Variants in GPC5 observed in about 807,000 individuals in gnomAD.
The protein encoded by GPC5 is glypican 5.
Under a neutral mutation model 53.9 loss-of-function variants are expected in GPC5, and 47 were observed. The observed-to-expected ratio is 0.87, with a 90% CI of 0.69 to 1.11. GPC5 has a LOEUF of 1.11. Among genes scored for constraint, GPC5 ranks in the 50% most tolerant of loss-of-function variants. GPC5 has a pLI of 0.00. For synonymous variants in GPC5, 286 were observed against 263.3 expected (o/e 1.09, Z -0.84); for missense variants, 748 against 713.1 (o/e 1.05, Z -0.56).
At chr13:92,027,303 G>A (rs1217100854) in intron 6 of GPC5, among the ~76,000 whole-genome samples, 1 of 152,040 alleles carries the variant, frequency 6.6e-6, no homozygotes, top group Non-Finnish European at 1.5e-5. Context: ...TGTACATTAT[G>A]TTCTCACTTA....
chr13:91,479,279 A>C (rs1883178173), intron 2 of GPC5, among the ~76,000 whole-genome samples: 1 of 152,106 alleles, frequency 6.6e-6, no homozygotes, highest in Non-Finnish European at 1.5e-5. Context: ...ATTTACACCT[A>C]AAAATTAAAT....
chr13:92,147,670 G>C (rs1299764516), intron 7 of GPC5, among the ~76,000 whole-genome samples: 1 of 151,920 alleles, frequency 6.6e-6, no homozygotes, highest in East Asian at 1.9e-4. Flanking sequence ...TCAGAATTTG[G>C]GCGATTTAAG....
intron 6 of GPC5, among the ~76,000 whole-genome samples, chr13:92,026,142 C>G (rs2040798943): frequency 6.6e-6 from 1 of 152,066 alleles, no homozygotes; most frequent in South Asian, 2.1e-4. Context: ...GTCTTTCCTT[C>G]TTAAAGTGTT....
intron 1 of GPC5, among the ~76,000 whole-genome samples, chr13:91,423,801 G>A (rs1422175591): frequency 6.6e-6 from 1 of 152,180 alleles, no homozygotes; most frequent in Non-Finnish European, 1.5e-5. Context: ...ATTCCACAAT[G>A]TATACAGGTA....
At chr13:92,003,362 A>T (rs886330904) in intron 6 of GPC5, among the ~76,000 whole-genome samples, 1 of 151,968 alleles carries the variant, frequency 6.6e-6, no homozygotes, top group Non-Finnish European at 1.5e-5. Context: ...AATGTTTTAA[A>T]AAAGAAAATT....
intron 7 of GPC5, among the ~76,000 whole-genome samples, chr13:92,406,447 G>T (rs1036110268): frequency 6.6e-6 from 1 of 151,878 alleles, no homozygotes; most frequent in Admixed American, 6.6e-5. Context: ...CAAAATATAC[G>T]TGGAGCTATA....
chr13:91,498,972 CA>C (rs5805699), intron 2 of GPC5, among the ~76,000 whole-genome samples: 1 of 149,326 alleles, frequency 6.7e-6, no homozygotes, highest in African/African-American at 2.5e-5. Flanking sequence ...GTCTCCCTCT[CA>C]AAAAAAAAGA....
chr13:91,419,008 C>A (rs1878424130), intron 1 of GPC5, among the ~76,000 whole-genome samples: 1 of 151,844 alleles, frequency 6.6e-6, no homozygotes, highest in African/African-American at 2.4e-5. Context: ...ATTTGAATGA[C>A]CTTAATTATA....
chr13:91,780,887 C>A (rs1353317029), intron 5 of GPC5, among the ~76,000 whole-genome samples: 1 of 152,128 alleles, frequency 6.6e-6, no homozygotes, highest in Non-Finnish European at 1.5e-5. Flanking sequence ...TATAAGCTTT[C>A]TTATTCTTAG....
intron 2 of GPC5, among the ~76,000 whole-genome samples, chr13:91,670,711 C>T (rs530401383): frequency 2.6e-5 from 4 of 152,124 alleles, no homozygotes; most frequent in South Asian, 2.1e-4. Flanking sequence ...TTGCTGAGGG[C>T]GGGGCATAAA....
chr13:92,697,204 A>C (rs8001199), intron 7 of GPC5, among the ~76,000 whole-genome samples: 17,530 of 151,840 alleles, frequency 0.12, 1,693 homozygotes, highest in East Asian at 0.4. Context: ...TCCATATGAA[A>C]TTTAAAGTAA....
chr13:91,437,547 G>A (rs1358624964), intron 1 of GPC5, among the ~76,000 whole-genome samples: 52 of 152,274 alleles, frequency 3.4e-4, no homozygotes, highest in Non-Finnish European at 6.9e-4. Context: ...AGTTTCTGCC[G>A]AGATATCAGC....
At chr13:91,903,337 G>C (rs972942738) in intron 5 of GPC5, among the ~76,000 whole-genome samples, 1 of 151,926 alleles carries the variant, frequency 6.6e-6, no homozygotes. Flanking sequence ...TGGTTATTTT[G>C]AAAGGTGCTT....
At chr13:91,638,740 TTTTTTAAACAAGGACACA>T (rs2034346274) in intron 2 of GPC5, among the ~76,000 whole-genome samples, 1 of 152,136 alleles carries the variant, frequency 6.6e-6, no homozygotes, top group African/African-American at 2.4e-5. Context: ...ATTCAAAAAA[TTTTTTAAACAAGGACACA>T]TTTTTAAAGG....
intron 7 of GPC5, among the ~76,000 whole-genome samples, chr13:92,861,565 T>C (rs1241362982): frequency 6.6e-6 from 1 of 152,176 alleles, no homozygotes; most frequent in Admixed American, 6.5e-5. Context: ...CAGGAACATT[T>C]GTAGTTTTCA....
At chr13:91,557,321 T>G (rs1454275078) in intron 2 of GPC5, among the ~76,000 whole-genome samples, 1 of 152,174 alleles carries the variant, frequency 6.6e-6, no homozygotes, top group African/African-American at 2.4e-5. Context: ...GAACATCTTT[T>G]CATGTGCTTA....
At chr13:92,660,961 C>A (rs1171595161) in intron 7 of GPC5, among the ~76,000 whole-genome samples, 3 of 151,792 alleles carry the variant, frequency 2.0e-5, no homozygotes, top group African/African-American at 4.8e-5. Context: ...GATAGAAGTT[C>A]TCCTATGATT....
chr13:91,671,780 C>CAAAAAAAAAAAAAA (rs55758033), intron 2 of GPC5, among the ~76,000 whole-genome samples: 13 of 33,126 alleles, frequency 3.9e-4, no homozygotes, highest in South Asian at 2.1e-3. Context: ...CAATCTGAAG[C>CAAAAAAAAAAAAAA]AAAAAAAAAA....
intron 7 of GPC5, among the ~76,000 whole-genome samples, chr13:92,282,317 C>T (rs2042921878): frequency 6.6e-6 from 1 of 152,150 alleles, no homozygotes; most frequent in African/African-American, 2.4e-5. Context: ...AGTTGGAAAA[C>T]ACTCTGCAGG....
Sources: allele counts gnomAD v4.1 joint callset (sites outside exome capture counted in the v4.1 genomes callset), GRCh38; gene constraint gnomAD v4.1.1; transcripts MANE v1.5; gene names NCBI Gene and HGNC (gene_info 2026-07-23, HGNC 2026-07-21).